The following HPS1 variants were observed in gnomAD, a reference collection of about 807,000 sequenced individuals.
HPS1 encodes BLOC-3 complex member HPS1.
HPS1 carries 59 observed loss-of-function variants against 90.6 expected under a neutral mutation model. The ratio of observed to expected loss-of-function variants is 0.65; its 90% confidence interval spans 0.53 to 0.81. The LOEUF (loss-of-function observed/expected upper bound fraction) is 0.81, where lower values mean the gene tolerates loss of function less well. Among genes scored for constraint, HPS1 ranks in the 30% least tolerant of loss-of-function variants. The pLI, the probability that HPS1 is intolerant of heterozygous loss-of-function variation, is 0.00. For missense variants in HPS1, 849 were observed against 896.7 expected, an observed-to-expected ratio of 0.95 and a Z score of 0.68; for synonymous variants, 388 against 384.4, an observed-to-expected ratio of 1.01 and a Z score of -0.11.
rs771472183 is a variant in HPS1, at chr10:98,425,872, G to T, written c.1101C>A (p.His367Gln). 4 of 1,614,168 alleles carry T rather than the reference G, an allele frequency of 2.5e-6. No homozygotes were observed. The highest frequency in any genetic ancestry group is 3.4e-6 in the Non-Finnish European group (4 of 1,180,020). ...VKESYCPLVP[H>Q]TMYCLPLWQG... is the part of the protein sequence containing the mutation. ...GCCACAGGGGCAGGCAGTACATGGT[G>T]TGGGGCACTAGGGGGCAGTAGCTTT... is the stretch of plus-strand genomic sequence containing the variant. The change falls in exon 12 of 20, where the codon CAC becomes CAA. Residue 367 changes from histidine (H) to glutamine (Q), a missense_variant. By Grantham distance (24) the His-to-Gln change is conservative. Coordinates refer to ENST00000361490, the MANE Select transcript of HPS1 (RefSeq NM_000195.5).
intron 10 of HPS1, among the ~76,000 whole-genome samples, chr10:98,427,921 A>C (rs746526206): frequency 1.8e-4 from 28 of 152,350 alleles, no homozygotes; most frequent in Non-Finnish European, 3.2e-4. Context: ...CAAATGGATG[A>C]GTGCAACCCA....
At chr10:98,420,754 A>G (rs1388226330) in intron 17 of HPS1, among the ~76,000 whole-genome samples, 2 of 152,102 alleles carry the variant, frequency 1.3e-5, no homozygotes, top group African/African-American at 4.8e-5. Flanking sequence ...AATTAGTGAA[A>G]TGATCATTCA....
chr10:98,425,938 A>AGGGCCCAG lies in HPS1; in HGVS notation c.1034_1035insCTGGGCCC (p.Ser346TrpfsTer15). ...CCAGGAAGATCCTTCTGGGGCCGGA[A>AGGGCCCAG]GGCACAGGGCAGTGGGGAACCAGTG... On this transcript the variant is annotated frameshift_variant, in exon 12 of 20. Coordinates refer to ENST00000361490, the MANE Select transcript of HPS1 (RefSeq NM_000195.5). LOFTEE classifies it high-confidence loss of function. 2 of 1,614,138 alleles carry AGGGCCCAG rather than the reference A, an allele frequency of 1.2e-6. No homozygotes were observed. The highest frequency in any genetic ancestry group is 1.7e-6 in the Non-Finnish European group (2 of 1,180,004).
At chr10:98,446,581 GT>G (rs1380135602) in intron 1 of HPS1, among the ~76,000 whole-genome samples, 1 of 152,136 alleles carries the variant, frequency 6.6e-6, no homozygotes, top group African/African-American at 2.4e-5. Flanking sequence ...CGGGGCTCCC[GT>G]TTGCCTAGCA....
At position 98,435,249 on chromosome 10, in the gene HPS1, G is replaced by A. The variant is rs778644806; in HGVS notation, c.398+23C>T. On this transcript the variant is annotated intron_variant, in intron 5 of 19. Coordinates refer to ENST00000361490, the MANE Select transcript of HPS1 (RefSeq NM_000195.5). This position sits in a 1 kb window ranked among gnomAD's most constrained non-coding sequence, Gnocchi z 4.3. ...GCGAGGGTGCTCGGCAAAGGACAGA[G>A]GGGACCAGCTTTGAAGACTCACTCC... 11 of 1,613,866 alleles carry A rather than the reference G, an allele frequency of 6.8e-6. No individual in the cohort carries two copies. Among genetic ancestry groups the A allele is most frequent in the Non-Finnish European group, 8.5e-7 (1 of 1,180,020 alleles).
chr10:98,429,235 T>C (rs772288347), intron 10 of HPS1: 22 of 1,104,366 alleles, frequency 2.0e-5, no homozygotes, highest in Non-Finnish European at 2.5e-5. Flanking sequence ...TTTTAGAATG[T>C]ATAGAAATTA....
chr10:98,423,279 A>ACCCCC (rs10636671), intron 16 of HPS1, among the ~76,000 whole-genome samples: 1 of 132,070 alleles, frequency 7.6e-6, no homozygotes, highest in Non-Finnish European at 1.6e-5. Flanking sequence ...GACCACAGGA[A>ACCCCC]CCCCCCCCCC....
At chr10:98,427,458 T>C (rs1845768237) in intron 10 of HPS1, among the ~76,000 whole-genome samples, 194 bp from the exon 11 acceptor site, 1 of 152,190 alleles carries the variant, frequency 6.6e-6, no homozygotes, top group South Asian at 2.1e-4. Context: ...AACTCTGCAG[T>C]ACCAGGGCTA....
At chr10:98,429,198 A>C in intron 10 of HPS1, 1 of 1,036,208 alleles carries the variant, frequency 9.7e-7, no homozygotes, top group Non-Finnish European at 1.2e-6. Context: ...TGGAGAAACA[A>C]AGTATAAACT....
chr10:98,429,080 G>A lies in HPS1; in HGVS notation c.937+493C>T, dbSNP rs1846006788. 9.1e-6 allele frequency: 3 copies of A among 328,530 alleles called. No homozygotes were observed. The Admixed American group carries it at 1.6e-4, about 17-fold the overall frequency. The allele number at this position is 328,530 out of a possible 1,614,324, so 20.4% of individuals were successfully genotyped here. ...TAGTCTCAAACTCCTGACCTCAGGTGATCTACCCGCCTCGGCCTCCCAAAG... is the reference window on the plus strand; with the variant it reads ...TAGTCTCAAACTCCTGACCTCAGGTAATCTACCCGCCTCGGCCTCCCAAAG... On this transcript the variant is annotated intron_variant, in intron 10 of 19. Transcript: ENST00000361490.
At chr10:98,432,584 C>T (rs1003460935) in intron 6 of HPS1, among the ~76,000 whole-genome samples, 2 of 152,174 alleles carry the variant, frequency 1.3e-5, no homozygotes, top group Non-Finnish European at 2.9e-5. Context: ...TTCATTTTAA[C>T]AACTATGTTT....
At chr10:98,429,953 C>G (rs1348224224) in intron 8 of HPS1, 64 bp from the exon 9 acceptor site, 1 of 1,436,890 alleles carries the variant, frequency 7.0e-7, no homozygotes, top group East Asian at 2.3e-5. Context: ...ACCCCTTCTG[C>G]CTCCCAGCGC....
rs1233231440 is a variant in HPS1 at position 98,435,397 on chromosome 10, G to A, written c.273C>T (p.Phe91=). Residue 91 remains phenylalanine, a synonymous_variant, in exon 5 of 20, where the codon TTC becomes TTT. Coordinates refer to ENST00000361490, the MANE Select transcript of HPS1 (RefSeq NM_000195.5). The surrounding 1 kb of genome is among the most constrained non-coding windows in gnomAD (Gnocchi z 4.3). ...YVLHLFGECL[F]IAINGDHTES... ...CGGTGTGGTCACCATTGATGGCAAT[G>A]AACAGGCATTCTCCAAACTGCAGGC... The A allele has an allele frequency of 6.2e-7, 1 of 1,613,866 alleles. No homozygotes were observed. The highest frequency in any genetic ancestry group is 2.2e-5 in the East Asian group (1 of 44,870).
intron 10 of HPS1, among the ~76,000 whole-genome samples, chr10:98,428,078 A>G (rs1845851568): frequency 6.6e-6 from 1 of 152,202 alleles, no homozygotes; most frequent in Non-Finnish European, 1.5e-5. Context: ...AACTTCGGAG[A>G]TTACCCAGAA....
intron 10 of HPS1, chr10:98,429,289 A>C: frequency 7.6e-7 from 1 of 1,317,168 alleles, no homozygotes; most frequent in Non-Finnish European, 9.7e-7. Context: ...TTTTAATTAC[A>C]AAAAAGATGA....
Position 98,418,180 on chromosome 10 carries a change from G to C in HPS1, c.1935C>G (p.Tyr645Ter). 1.2e-6 allele frequency: 2 copies of C among 1,604,300 alleles called. No homozygotes were observed. Among genetic ancestry groups the C allele is most frequent in the Non-Finnish European group, 1.7e-6 (2 of 1,172,692 alleles). ...GGCTCCCAACGCAGCGTCACCTGTAGTAGTCTCCTCCCAGCATGCCGATAG... is the reference window on the plus strand; with the variant it reads ...GGCTCCCAACGCAGCGTCACCTGTACTAGTCTCCTCCCAGCATGCCGATAG... Reference protein sequence around the residue: ...SVPIGMLGGDYYRKLLRYYSK... With the variant: ...SVPIGMLGGD The change falls in exon 19 of 20, where the codon TAC (tyrosine) becomes TAG (stop). Residue 645 changes from tyrosine to a stop codon, truncating the protein, a stop_gained. Transcript: ENST00000361490. LOFTEE classifies it high-confidence loss of function.
At chr10:98,441,664 GAAT>G (rs1160243925) in intron 3 of HPS1, among the ~76,000 whole-genome samples, 3 of 152,110 alleles carry the variant, frequency 2.0e-5, no homozygotes, top group East Asian at 3.8e-4. Context: ...AACTCAGTAA[GAAT>G]AAGAAGAAGA....
At chr10:98,433,498 A>G (rs1223560581) in intron 6 of HPS1, among the ~76,000 whole-genome samples, 1 of 152,238 alleles carries the variant, frequency 6.6e-6, no homozygotes, top group Non-Finnish European at 1.5e-5. Context: ...TAAAAGGACC[A>G]GTAGCCACTT....
intron 8 of HPS1, 61 bp downstream of exon 8, chr10:98,430,510 G>A: frequency 7.6e-7 from 1 of 1,320,800 alleles, no homozygotes; most frequent in Non-Finnish European, 1.1e-6. Context: ...ACCATCTTCA[G>A]GCAGGTTTTC....
Sources: gnomAD v4.1 joint callset for allele counts (sites outside exome capture counted in the v4.1 genomes callset) on GRCh38, gnomAD v4.1.1 for gene constraint, Gnocchi (gnomAD v3.1) non-coding constraint, MANE v1.5 for transcripts, NCBI Gene and HGNC (gene_info 2026-07-23, HGNC 2026-07-21) for gene names.